The following TMC6 variants were observed in gnomAD, a reference collection of about 807,000 sequenced individuals.
The protein encoded by TMC6 is transmembrane channel-like protein 6.
In TMC6, 71 loss-of-function variants were observed where a neutral mutation model predicts 95.4. The ratio of observed to expected loss-of-function variants is 0.74; its 90% CI spans 0.61 to 0.91. The LOEUF is 0.91. TMC6 is among the 40% of genes least tolerant of loss of function. TMC6 has a pLI of 0.00. For missense variants in TMC6, 1,074 were observed against 1,079.1 expected (o/e 1.00, Z 0.07); for synonymous variants, 514 against 483.1 (o/e 1.06, Z -0.84).
At chr17:78,113,448 G>T in intron 19 of TMC6, 100 bp downstream of exon 19, 1 of 1,422,784 alleles carries the variant, frequency 7.0e-7, no homozygotes, top group Non-Finnish European at 9.9e-7. Flanking sequence ...TCAAGTGTCA[G>T]CAATGTCGTG....
chr17:78,114,307 C>A (rs142652929), intron 18 of TMC6, among the ~76,000 whole-genome samples: 2,162 of 152,280 alleles, frequency 0.014, 24 homozygotes, highest in Non-Finnish European at 0.022. Context: ...TTTTTCACCT[C>A]TAAGGACCCT....
In TMC6 at chr17:78,125,325, G is replaced by A. The variant is rs139515724; in HGVS notation, c.431-62C>T. 1.7e-4 allele frequency: 256 copies of A among 1,463,670 alleles called. No individual in the cohort carries two copies. In the African/African-American group the frequency reaches 2.6e-3, roughly 15 times the overall value. The allele number at this position is 1,463,670 out of a possible 1,614,324, so 90.7% of individuals were successfully genotyped here. A position where few individuals can be genotyped will look rare whatever the true frequency, so the allele number is the denominator to read the frequency against. ...GTGCCCCTCCCTGCAGCCCGAAGCC[G>A]GGACCCTGGTCAGGCCTGTGTGTCC... is the stretch of plus-strand genomic sequence containing the variant. On this transcript the variant is annotated intron_variant, in intron 5 of 19. Transcript: ENST00000590602.
At chr17:78,118,257 C>A (rs967938801) in intron 15 of TMC6, 1 of 445,394 alleles carries the variant, frequency 2.2e-6, no homozygotes, top group Non-Finnish European at 4.1e-6. Context: ...AAAGGCCAGA[C>A]GAGACAGGAG....
Position 78,119,303 on chromosome 17 carries a change from A to G in TMC6, c.1805T>C (p.Leu602Pro). 1 of 1,614,042 alleles carries G rather than the reference A, an allele frequency of 6.2e-7. No individual in the cohort carries two copies. Among genetic ancestry groups the G allele is most frequent in the Non-Finnish European group, 8.5e-7 (1 of 1,180,010 alleles). ...NVLELIYGQT[L>P]TWLGVLFSPL... ...GCAAGCAGAGGACCCTCACCAGGTC[A>G]GAGTCTGCCCATAAATCAGCTCCAG... The change falls in exon 14 of 20, where the codon CTG (leucine) becomes CCG (proline). Residue 602 changes from leucine to proline, a missense_variant. Coordinates refer to ENST00000590602, the MANE Select transcript of TMC6 (RefSeq NM_001127198.5).
chr17:78,113,661 T>A (rs193278163), intron 18 of TMC6, 37 bp from the exon 19 acceptor site: 16 of 1,607,156 alleles, frequency 1.0e-5, no homozygotes, highest in Non-Finnish European at 1.4e-5. Context: ...GGAGAAATCA[T>A]CCATCAGCCC....
intron 18 of TMC6, 127 bp downstream of exon 18, chr17:78,117,142 T>A (rs2074160609): frequency 1.0e-6 from 1 of 983,696 alleles, no homozygotes; most frequent in East Asian, 2.4e-5. Context: ...TCAGGGTCAC[T>A]TGTTTGGCAA....
At chr17:78,123,287 T>A (rs765998282) in intron 9 of TMC6, among the ~76,000 whole-genome samples, 2 of 152,196 alleles carry the variant, frequency 1.3e-5, no homozygotes, top group Non-Finnish European at 2.9e-5. Flanking sequence ...ACATTTACCA[T>A]CCTGCCCTGA....
chr17:78,112,043 C>T lies in TMC6; in HGVS notation c.*1105G>A. 1 of 237,790 alleles carries T rather than the reference C, an allele frequency of 4.2e-6. No individual in the cohort carries two copies. The highest frequency in any genetic ancestry group is 8.6e-6 in the Non-Finnish European group (1 of 116,316). The allele number at this position is 237,790 out of a possible 1,614,324, so 14.7% of individuals were successfully genotyped here. ...CCCCACAGACCTGGAGCACTGGGGT[C>T]ATGACGGGCTGGTCCCCGCAGGCCT... On this transcript the variant is annotated 3_prime_UTR_variant, in exon 20 of 20. Transcript: ENST00000590602.
Position 78,112,670 on chromosome 17 carries a change from A to G in TMC6, c.*478T>C, listed in dbSNP as rs1047353004. 2.5e-5 allele frequency: 5 copies of G among 203,008 alleles called. No individual in the cohort carries two copies. Among genetic ancestry groups the G allele is most frequent in the Non-Finnish European group, 5.1e-5 (5 of 98,564 alleles). 12.6% of individuals were successfully genotyped at this position (203,008 alleles called of 1,614,324 possible). A position where few individuals can be genotyped will look rare whatever the true frequency, so the allele number is the denominator to read the frequency against. ...TGGTTGACGCATCGCTCTGGTCACA[A>G]TCCGTGCCTGCTCGGCTCACTTGTG... On this transcript the variant is annotated 3_prime_UTR_variant, in exon 20 of 20. Transcript: ENST00000590602.
upstream of TMC6, chr17:78,131,331 G>GC (rs2074958614): frequency 3.4e-6 from 2 of 584,414 alleles, no homozygotes; most frequent in Admixed American, 6.0e-5. Context: ...TTGGAGCGGG[G>GC]CTGGGCCCGA....
rs745638217 is a variant in TMC6, at chr17:78,126,418, G to A, written c.182-52C>T. On this transcript the variant is annotated intron_variant, in intron 3 of 19. Transcript: ENST00000590602. ...GGTCCTGGAGATGCCATTGGCCACAGTATCTCCCACCCCATCCCAGGCCTG... is the reference window on the plus strand; with the variant it reads ...GGTCCTGGAGATGCCATTGGCCACAATATCTCCCACCCCATCCCAGGCCTG... 7 of 1,604,578 alleles carry A rather than the reference G, an allele frequency of 4.4e-6. No individual in the cohort carries two copies. In the Admixed American group the frequency reaches 8.3e-5, roughly 19 times the overall value.
intron 13 of TMC6, chr17:78,120,105 T>C: frequency 3.0e-6 from 1 of 334,198 alleles, no homozygotes; most frequent in South Asian, 2.5e-5. Flanking sequence ...CCCTGCTGTG[T>C]GTTTTTCCTT....
chr17:78,127,061 C>T lies in TMC6; in HGVS notation c.-74-155G>A, dbSNP rs569596357. On this transcript the variant is annotated intron_variant, in intron 1 of 19. Coordinates refer to ENST00000590602, the MANE Select transcript of TMC6 (RefSeq NM_001127198.5). ...CCCAGGTACATAAATGGTGAGGCAC[C>T]GAATAAGCCTCATGCCAGAATGGAA... The T allele has an allele frequency of 7.1e-4, 436 of 617,762 alleles. 1 individual carries two copies. Among genetic ancestry groups the T allele is most frequent in the African/African-American group, 6.9e-3 (378 of 54,612 alleles). The allele number at this position is 617,762 out of a possible 1,614,324, so 38.3% of individuals were successfully genotyped here. A position where few individuals can be genotyped will look rare whatever the true frequency, so the allele number is the denominator to read the frequency against.
intron 9 of TMC6, 100 bp downstream of exon 9, chr17:78,123,889 A>G (rs778619974): frequency 8.5e-5 from 127 of 1,486,040 alleles, no homozygotes; most frequent in Non-Finnish European, 1.1e-4. Context: ...GTAGATGGAC[A>G]GAAGGAAGAA....
intron 7 of TMC6, 40 bp downstream of exon 7, chr17:78,124,849 C>A (rs2074617077): frequency 1.9e-6 from 3 of 1,580,110 alleles, no homozygotes; most frequent in South Asian, 1.1e-5. Flanking sequence ...CCCAGCCCTG[C>A]CCAGCCGCCC....
Position 78,125,579 on chromosome 17 carries a change from CG to C in TMC6, c.430+146del, listed in dbSNP as rs560570189. ...GTCCCCGTGGGTCCCTGCAGAGGGA[CG>C]GGGGGGCCTTCAGGCAGCCTGCTAA... On this transcript the variant is annotated intron_variant, in intron 5 of 19. Coordinates refer to ENST00000590602, the MANE Select transcript of TMC6 (RefSeq NM_001127198.5). The C allele has an allele frequency of 5.1e-4, 644 of 1,271,720 alleles. 3 individuals carry two copies. Among genetic ancestry groups the C allele is most frequent in the South Asian group, 3.8e-3 (261 of 68,738 alleles). The allele number at this position is 1,271,720 out of a possible 1,614,324, so 78.8% of individuals were successfully genotyped here.
chr17:78,131,312 C>G (rs1190979345), upstream of TMC6: 2 of 565,258 alleles, frequency 3.5e-6, no homozygotes, highest in Admixed American at 6.1e-5. Flanking sequence ...CTGTGTGTCC[C>G]TCTGAGAGTT....
intron 5 of TMC6, among the ~76,000 whole-genome samples, 167 bp downstream of exon 5, chr17:78,125,559 C>T (rs1012936983): frequency 2.0e-5 from 3 of 152,230 alleles, no homozygotes; most frequent in African/African-American, 4.8e-5. Context: ...TCCCTGTCCC[C>T]GTGGGTCCCT....
Position 78,126,887 on chromosome 17 carries a change from G to A in TMC6, c.-55C>T, listed in dbSNP as rs563171225. 4.6e-5 allele frequency: 73 copies of A among 1,586,436 alleles called. No individual in the cohort carries two copies. In the African/African-American group the frequency reaches 6.3e-4, roughly 14 times the overall value. Reference sequence around the variant, plus strand: ...ACCTAGGGTAGCTCAGAGCCTGGGCGCCACCTCCGGAGCCCCCATCTGATG... The same window carrying A: ...ACCTAGGGTAGCTCAGAGCCTGGGCACCACCTCCGGAGCCCCCATCTGATG... On this transcript the variant is annotated 5_prime_UTR_variant, in exon 2 of 20. Coordinates refer to ENST00000590602, the MANE Select transcript of TMC6 (RefSeq NM_001127198.5).
Sources: allele counts gnomAD v4.1 joint callset (sites outside exome capture counted in the v4.1 genomes callset), GRCh38; gene constraint gnomAD v4.1.1; transcripts MANE v1.5; gene names NCBI Gene and HGNC (gene_info 2026-07-23, HGNC 2026-07-21).